The following ZNF385D variants were observed in gnomAD, a reference collection of about 807,000 sequenced individuals.
ZNF385D encodes zinc finger protein 385D.
In ZNF385D, 15 loss-of-function variants were observed where a neutral mutation model predicts 35.8. That is an observed-to-expected ratio of 0.42 (90% CI 0.28 to 0.64). The LOEUF is 0.64. Among genes scored for constraint, ZNF385D ranks in the 30% least tolerant of loss-of-function variants. ZNF385D has a pLI of 0.23. For missense variants in ZNF385D, 474 were observed against 494.6 expected, an observed-to-expected ratio of 0.96 and a Z score of 0.39; for synonymous variants, 212 against 186.8, an observed-to-expected ratio of 1.13 and a Z score of -1.10.
At chr3:21,933,058 G>C (rs568737180) in intron 3 of ZNF385D, among the ~76,000 whole-genome samples, 1 of 152,264 alleles carries the variant, frequency 6.6e-6, no homozygotes, top group South Asian at 2.1e-4. Context: ...AAAACTTCCT[G>C]AATCTTGGAG....
chr3:22,047,926 T>C (rs929010031), intron 3 of ZNF385D, among the ~76,000 whole-genome samples: 1 of 152,204 alleles, frequency 6.6e-6, no homozygotes, highest in African/African-American at 2.4e-5. Context: ...TTGGTTTTTT[T>C]GCTAATATTA....
intron 2 of ZNF385D, among the ~76,000 whole-genome samples, chr3:22,222,495 A>G (rs2125282367): frequency 6.6e-6 from 1 of 152,292 alleles, no homozygotes; most frequent in East Asian, 1.9e-4. Context: ...TATCTACAAA[A>G]GGATGATGAC....
chr3:22,027,905 G>C lies in ZNF385D; in HGVS notation c.325+140912C>G, dbSNP rs139790191. Among the ~76,000 whole-genome samples, 91 of 152,286 alleles carry C rather than the reference G, an allele frequency of 6.0e-4. 1 individual carries two copies. The East Asian group carries it at 0.016, about 26-fold the overall frequency. On this transcript the variant is annotated intron_variant, in intron 3 of 5. Coordinates refer to the ZNF385D transcript ENST00000494108. ...CACAGATGGTTCTGCACTATATGCA[G>C]GCACTACCAAAAGTGGAGAGCTGCA... is the stretch of plus-strand genomic sequence containing the variant.
intron 3 of ZNF385D, among the ~76,000 whole-genome samples, chr3:21,851,110 C>G (rs1696355968): frequency 1.4e-5 from 2 of 147,480 alleles, no homozygotes; most frequent in Non-Finnish European, 3.0e-5. Context: ...TTTAAGAAAA[C>G]ATAAAAACAA....
At chr3:22,202,966 C>T (rs1696902720) in intron 2 of ZNF385D, among the ~76,000 whole-genome samples, 1 of 152,046 alleles carries the variant, frequency 6.6e-6, no homozygotes, top group South Asian at 2.1e-4. Context: ...ATCTAAGCCA[C>T]AAAAATTGTA....
intron 2 of ZNF385D, among the ~76,000 whole-genome samples, chr3:21,593,621 C>G (rs79341912): frequency 6.6e-6 from 1 of 151,996 alleles, no homozygotes. Flanking sequence ...TGTGTGAGCA[C>G]ACACACATGC....
chr3:22,086,147 C>T (rs1296683823), intron 3 of ZNF385D, among the ~76,000 whole-genome samples: 1 of 152,188 alleles, frequency 6.6e-6, no homozygotes, highest in Non-Finnish European at 1.5e-5. Context: ...TGGCACAAGA[C>T]AGGGATGCTG....
intron 3 of ZNF385D, among the ~76,000 whole-genome samples, chr3:21,988,544 A>C (rs13088291): frequency 7.1e-6 from 1 of 140,288 alleles, no homozygotes; most frequent in Admixed American, 6.9e-5. Context: ...CTCCAGCTGC[A>C]TGCTGGGAGA....
At chr3:22,224,850 G>C (rs1698462081) in intron 2 of ZNF385D, among the ~76,000 whole-genome samples, 1 of 152,162 alleles carries the variant, frequency 6.6e-6, no homozygotes, top group South Asian at 2.1e-4. Context: ...TCTGGAGCCA[G>C]AGTTGGCACC....
chr3:21,737,943 G>A (rs968644025), intron 1 of ZNF385D, among the ~76,000 whole-genome samples: 1 of 152,192 alleles, frequency 6.6e-6, no homozygotes, highest in African/African-American at 2.4e-5. Context: ...AAAGATAGAC[G>A]GCCATCACTG....
rs1045981726 is a variant in ZNF385D at position 22,241,589 on chromosome 3, T to A, written c.107-72554A>T. ...TTTGGATTTATTATTTCTAAGCCAA[T>A]AGCCCTCTGGCCCTTAACAAATTAA... On this transcript the variant is annotated intron_variant, in intron 2 of 5. Coordinates refer to the ZNF385D transcript ENST00000494108. 5.3e-5 allele frequency among the ~76,000 whole-genome samples: 8 copies of A among 151,334 alleles called. 1 individual carries two copies. The highest frequency in any genetic ancestry group is 2.0e-4 in the Admixed American group (3 of 15,190).
At chr3:21,723,862 G>T (rs1319232777) in intron 1 of ZNF385D, among the ~76,000 whole-genome samples, 1 of 152,126 alleles carries the variant, frequency 6.6e-6, no homozygotes, top group East Asian at 1.9e-4. Flanking sequence ...ATTTACCATG[G>T]TGGAAATGAA....
At chr3:21,525,110 A>G (rs1443039048) in intron 3 of ZNF385D, among the ~76,000 whole-genome samples, 3 of 152,224 alleles carry the variant, frequency 2.0e-5, no homozygotes, top group African/African-American at 7.2e-5. Context: ...CAAATATATC[A>G]TTTAAAAGTC....
chr3:22,096,032 A>G (rs937710497), intron 3 of ZNF385D, among the ~76,000 whole-genome samples: 1 of 152,052 alleles, frequency 6.6e-6, no homozygotes, highest in Non-Finnish European at 1.5e-5. Context: ...TTGAAAATAA[A>G]GAATTTGAAG....
At chr3:21,627,986 AAT>A (rs1189264330) in intron 2 of ZNF385D, among the ~76,000 whole-genome samples, 1 of 152,128 alleles carries the variant, frequency 6.6e-6, no homozygotes, top group Non-Finnish European at 1.5e-5. Context: ...CTTCTTTGTG[AAT>A]ATATTAATAA....
At chr3:22,047,870 T>C (rs1435211384) in intron 3 of ZNF385D, among the ~76,000 whole-genome samples, 2 of 152,182 alleles carry the variant, frequency 1.3e-5, no homozygotes, top group Non-Finnish European at 2.9e-5. Context: ...ACCATTCAGA[T>C]ACAAGGCTTC....
chr3:22,000,163 G>A (rs1230900408), intron 3 of ZNF385D, among the ~76,000 whole-genome samples: 2 of 152,082 alleles, frequency 1.3e-5, no homozygotes, highest in African/African-American at 2.4e-5. Context: ...AAATTAGCCT[G>A]GCGTGGTGGT....
intron 2 of ZNF385D, among the ~76,000 whole-genome samples, chr3:22,294,897 CAT>C (rs1702487111): frequency 6.6e-6 from 1 of 152,094 alleles, no homozygotes; most frequent in South Asian, 2.1e-4. Flanking sequence ...GAAAAATCAA[CAT>C]ATTAATTCAA....
At chr3:21,751,385 A>T (rs1160586160), upstream of ZNF385D, 2 of 1,019,566 alleles carry the variant, frequency 2.0e-6, no homozygotes, top group Non-Finnish European at 2.3e-6. Flanking sequence ...TCTTAAAGCG[A>T]GAAGAGTGTC....
Sources: allele counts gnomAD v4.1 joint callset (sites outside exome capture counted in the v4.1 genomes callset), GRCh38; gene constraint gnomAD v4.1.1; transcripts MANE v1.5; gene names NCBI Gene and HGNC (gene_info 2026-07-23, HGNC 2026-07-21).